The following BORCS7 variants were observed in gnomAD, a reference collection of about 807,000 sequenced individuals.
BORCS7 encodes the protein BLOC-1-related complex subunit 7.
In BORCS7, 20 loss-of-function variants were observed where a neutral mutation model predicts 17.5. The observed-to-expected ratio is 1.14, with a 90% confidence interval of 0.80 to 1.66. The LOEUF is 1.66. Among genes scored for constraint, BORCS7 ranks in the 40% most tolerant of loss-of-function variants. The probability of loss-of-function intolerance (pLI) is 0.00; values close to 1 mark genes in which losing one functional copy is unlikely to be tolerated. For synonymous variants in BORCS7, 57 were observed against 49.8 expected, an observed-to-expected ratio of 1.14 and a Z score of -0.61; for missense variants, 122 against 129.7, an observed-to-expected ratio of 0.94 and a Z score of 0.29.
chr10:102,855,453 G>A (rs1844411331), intron 1 of BORCS7, among the ~76,000 whole-genome samples: 1 of 152,084 alleles, frequency 6.6e-6, no homozygotes, highest in African/African-American at 2.4e-5. Context: ...ACCGCTCCTG[G>A]CAGCATTGCT....
chr10:102,860,356 A>G lies in BORCS7; in HGVS notation c.166A>G (p.Met56Val), dbSNP rs1844496117. The G allele has an allele frequency of 3.7e-6, 6 of 1,614,106 alleles. No homozygotes were observed. The highest frequency in any genetic ancestry group is 1.6e-4 in the Middle Eastern group (1 of 6,062). ...GCTGCTAGGTCAGGCAGCTCGAAAC[A>G]TGGTACTCCAGGAAGATGCCATCTT... ...SELLGQAARN[M>V]VLQEDAILHS... Residue 56 changes from methionine to valine, a missense_variant, in exon 2 of 5, where the codon ATG becomes GTG. By Grantham distance (21) the Met-to-Val change is conservative. Transcript: ENST00000339834.
At chr10:102,859,607 C>G (rs971326299) in intron 1 of BORCS7, among the ~76,000 whole-genome samples, 8 of 150,760 alleles carry the variant, frequency 5.3e-5, no homozygotes, top group African/African-American at 2.0e-4. Context: ...GCTTTGTCGC[C>G]CAGGCTGGAG....
rs974271862 is a variant in BORCS7 at position 102,863,651 on chromosome 10, C to G, written c.*727C>G. ...ATGAGAATGATTTTTTTCTCTTAAT[C>G]ATTATTAAGGAAATATTTTAATTTC... On this transcript the variant is annotated 3_prime_UTR_variant, in exon 5 of 5. Transcript: ENST00000339834. 1.3e-5 allele frequency: 2 copies of G among 152,076 alleles called. No individual in the cohort carries two copies. Among genetic ancestry groups the G allele is most frequent in the African/African-American group, 4.8e-5 (2 of 41,380 alleles). The allele number at this position is 152,076 out of a possible 1,614,324, so 9.4% of individuals were successfully genotyped here. A position where few individuals can be genotyped will look rare whatever the true frequency, so the allele number is the denominator to read the frequency against.
intron 1 of BORCS7, 90 bp from the exon 2 acceptor site, chr10:102,860,242 G>A (rs1844494178): frequency 2.9e-6 from 3 of 1,051,956 alleles, no homozygotes; most frequent in Non-Finnish European, 2.9e-6. Context: ...GAGTGGGAGA[G>A]GAGAGAGGGT....
intron 1 of BORCS7, among the ~76,000 whole-genome samples, chr10:102,859,715 C>G (rs1412149042): frequency 6.6e-6 from 1 of 151,836 alleles, no homozygotes; most frequent in Non-Finnish European, 1.5e-5. Context: ...ACAAGCGCAG[C>G]CACCATGCCC....
At chr10:102,861,892 CTAATTT>C (rs1352399833) in intron 3 of BORCS7, among the ~76,000 whole-genome samples, 26 of 152,138 alleles carry the variant, frequency 1.7e-4, no homozygotes, top group African/African-American at 5.8e-4. Context: ...TATACACAGA[CTAATTT>C]TAAGCCATGC....
intron 1 of BORCS7, among the ~76,000 whole-genome samples, chr10:102,856,558 G>A (rs935561508): frequency 1.3e-5 from 2 of 152,210 alleles, no homozygotes; most frequent in African/African-American, 4.8e-5. Context: ...AGAAACACTT[G>A]TTGAAGATGA....
intron 3 of BORCS7, 143 bp downstream of exon 3, chr10:102,860,684 C>G: frequency 1.2e-6 from 1 of 809,616 alleles, no homozygotes; most frequent in South Asian, 1.5e-5. Flanking sequence ...TTCTCGATGG[C>G]AAAGATGCCT....
intron 3 of BORCS7, among the ~76,000 whole-genome samples, chr10:102,861,509 G>T (rs1002969737): frequency 4.0e-5 from 6 of 151,634 alleles, no homozygotes; most frequent in African/African-American, 1.5e-4. Context: ...CTGAGGTCAG[G>T]AGTTCTAGAT....
At chr10:102,861,711 C>G (rs1264478697) in intron 3 of BORCS7, among the ~76,000 whole-genome samples, 10 of 140,980 alleles carry the variant, frequency 7.1e-5, no homozygotes, top group Non-Finnish European at 9.3e-5. Context: ...GAGTGAGACT[C>G]TGTCTCAAAA....
chr10:102,864,959 C>G lies in BORCS7; in HGVS notation c.*2035C>G, dbSNP rs1165450685. On this transcript the variant is annotated 3_prime_UTR_variant, in exon 5 of 5. Coordinates refer to ENST00000339834, the MANE Select transcript of BORCS7 (RefSeq NM_001136200.2). ...TAAGAAAATAAGCATGCTTTAAATC[C>G]CTGTATTAGGGATAGAGTGGAAATA... The G allele has an allele frequency of 6.6e-6, 1 of 150,722 alleles. No individual in the cohort carries two copies. Among genetic ancestry groups the G allele is most frequent in the Non-Finnish European group, 1.5e-5 (1 of 67,766 alleles). 9.3% of individuals were successfully genotyped at this position (150,722 alleles called of 1,614,324 possible).
At chr10:102,856,243 G>A (rs1170442278) in intron 1 of BORCS7, among the ~76,000 whole-genome samples, 9 of 151,946 alleles carry the variant, frequency 5.9e-5, no homozygotes, top group Admixed American at 5.9e-4. Flanking sequence ...GGTCCATTGT[G>A]TTTTTTTCTA....
chr10:102,855,837 C>G (rs1844418209), intron 1 of BORCS7, among the ~76,000 whole-genome samples: 2 of 152,226 alleles, frequency 1.3e-5, no homozygotes, highest in African/African-American at 4.8e-5. Flanking sequence ...CTCGGGCTCA[C>G]TGCAACCTCT....
chr10:102,854,312 C>T lies in BORCS7; in HGVS notation c.26C>T (p.Ser9Phe), dbSNP rs754687640. The T allele has an allele frequency of 3.7e-6, 6 of 1,604,910 alleles. No homozygotes were observed. The highest frequency in any genetic ancestry group is 3.4e-5 in the South Asian group (3 of 89,122). Residue 9 changes from serine to phenylalanine, a missense_variant, in exon 1 of 5, where the codon TCT becomes TTT. Coordinates refer to ENST00000339834, the MANE Select transcript of BORCS7 (RefSeq NM_001136200.2). MMATGTPE[S>F]QARFGQSVKG... ...ATGATGGCGACTGGAACGCCAGAGT[C>T]TCAAGCGCGGTTCGGTCAGTCCGTG...
chr10:102,854,513 T>C (rs2134094091), intron 1 of BORCS7, 86 bp downstream of exon 1: 1 of 1,451,878 alleles, frequency 6.9e-7, no homozygotes, highest in East Asian at 2.5e-5. Flanking sequence ...CGTTGCATCT[T>C]GGGAATTGTA....
rs776954576 is a variant in BORCS7 at position 102,862,895 on chromosome 10, C to T, written c.292C>T (p.Gln98Ter). 6.2e-7 allele frequency: 1 copy of T among 1,610,882 alleles called. No individual in the cohort carries two copies. Among genetic ancestry groups the T allele is most frequent in the Non-Finnish European group, 8.5e-7 (1 of 1,177,000 alleles). ...QKNVEQSSDL[Q>*]DQLNHLLK ...TAGTGTTGAACAGTCATCGGATCTA[C>T]AGGACCAGTTGAATCATCTGTTGAA... Residue 98 changes from glutamine to a stop codon, truncating the protein, a stop_gained, in exon 5 of 5, where the codon CAG becomes TAG. Transcript: ENST00000339834. LOFTEE classifies it high-confidence loss of function.
At position 102,864,364 on chromosome 10, in the gene BORCS7, CAT is replaced by C. The variant is rs1844563580; in HGVS notation, c.*1441_*1442del. 1.3e-5 allele frequency: 2 copies of C among 152,240 alleles called. No homozygotes were observed. Among genetic ancestry groups the C allele is most frequent in the South Asian group, 4.1e-4 (2 of 4,828 alleles). 9.4% of individuals were successfully genotyped at this position (152,240 alleles called of 1,614,324 possible). On this transcript the variant is annotated 3_prime_UTR_variant, in exon 5 of 5. Coordinates refer to ENST00000339834, the MANE Select transcript of BORCS7 (RefSeq NM_001136200.2). Reference sequence around the variant, plus strand: ...TTAATTTATGTACTAATTCTATAAACATGTATTAATAATTGCAGTATTATTAA... The same window carrying C: ...TTAATTTATGTACTAATTCTATAAACGTATTAATAATTGCAGTATTATTAA...
At chr10:102,862,652 T>G (rs954536213) in intron 4 of BORCS7, among the ~76,000 whole-genome samples, 1 of 152,182 alleles carries the variant, frequency 6.6e-6, no homozygotes, top group Admixed American at 6.5e-5. Flanking sequence ...AAAGTACAGA[T>G]AGCTTGTACA....
Position 102,863,020 on chromosome 10 carries a change from C to T in BORCS7, c.*96C>T, listed in dbSNP as rs1361828161. On this transcript the variant is annotated 3_prime_UTR_variant, in exon 5 of 5. Coordinates refer to ENST00000339834, the MANE Select transcript of BORCS7 (RefSeq NM_001136200.2). The stretch of plus-strand genomic sequence containing the variant: ...TCTGGGTTTGGTTTTCTATTTTCTT[C>T]TCCAAAAGTTAAGTTAGAAAAGTTC... 1 of 1,186,164 alleles carries T rather than the reference C, an allele frequency of 8.4e-7. No homozygotes were observed. Among genetic ancestry groups the T allele is most frequent in the Non-Finnish European group, 1.3e-6 (1 of 798,814 alleles). The allele number at this position is 1,186,164 out of a possible 1,614,324, so 73.5% of individuals were successfully genotyped here.
Sources: allele counts gnomAD v4.1 joint callset (sites outside exome capture counted in the v4.1 genomes callset), GRCh38; gene constraint gnomAD v4.1.1; transcripts MANE v1.5; gene names NCBI Gene and HGNC (gene_info 2026-07-23, HGNC 2026-07-21).